The following DSCAML1 variants were observed in gnomAD, a reference collection of about 807,000 sequenced individuals.
DSCAML1 encodes the protein cell adhesion molecule DSCAML1.
In DSCAML1, 38 loss-of-function variants were observed where a neutral mutation model predicts 200.5. The ratio of observed to expected loss-of-function variants is 0.19; its 90% CI spans 0.15 to 0.25. The LOEUF is 0.25. Ranked by LOEUF, DSCAML1 falls within the 10% of genes least tolerant of loss-of-function variation. The probability of loss-of-function intolerance (pLI) is 1.00; values close to 1 mark genes in which losing one functional copy is unlikely to be tolerated. For synonymous variants in DSCAML1, 1,215 were observed against 1,165.0 expected, an observed-to-expected ratio of 1.04 and a Z score of -0.87; for missense variants, 2,223 against 2,858.8, an observed-to-expected ratio of 0.78 and a Z score of 5.07.
At chr11:117,658,697 C>G (rs2052781823) in intron 3 of DSCAML1, among the ~76,000 whole-genome samples, 2 of 152,166 alleles carry the variant, frequency 1.3e-5, no homozygotes, top group Admixed American at 1.3e-4. Context: ...TAGGAAGAGG[C>G]AATTAACAGC....
intron 3 of DSCAML1, among the ~76,000 whole-genome samples, chr11:117,703,255 TTGAGATTA>T (rs778352196): frequency 1.3e-5 from 2 of 152,206 alleles, no homozygotes; most frequent in Non-Finnish European, 2.9e-5. Context: ...CTATTTCATC[TTGAGATTA>T]TCTGGGCTGC....
Position 117,542,193 on chromosome 11 carries a change from C to T in DSCAML1, c.512-9671G>A, listed in dbSNP as rs138901594. On this transcript the variant is annotated intron_variant, in intron 3 of 32. Coordinates refer to ENST00000651296, the MANE Select transcript of DSCAML1 (RefSeq NM_020693.4). ...GTATGGTGTCAGGCTCCTGTAATTT[C>T]AGCTACTCAGAAGGCTGAGACAGGA... Among the ~76,000 whole-genome samples the T allele has an allele frequency of 6.8e-3, 1,036 of 152,210 alleles. 17 individuals carry two copies. Among genetic ancestry groups the T allele is most frequent in the African/African-American group, 0.023 (955 of 41,512 alleles).
At chr11:117,677,560 G>A (rs2053237269) in intron 3 of DSCAML1, among the ~76,000 whole-genome samples, 1 of 152,064 alleles carries the variant, frequency 6.6e-6, no homozygotes, top group African/African-American at 2.4e-5. Flanking sequence ...GCAGGGGCTG[G>A]TGAGGACCCT....
intron 3 of DSCAML1, among the ~76,000 whole-genome samples, chr11:117,737,755 G>A (rs7930674): frequency 0.016 from 2,408 of 152,290 alleles, 65 homozygotes; most frequent in African/African-American, 0.056. Flanking sequence ...AGATACATTC[G>A]CGGAGGGGTT....
chr11:117,666,374 G>C (rs1714376944), intron 3 of DSCAML1, among the ~76,000 whole-genome samples: 1 of 152,194 alleles, frequency 6.6e-6, no homozygotes, highest in Non-Finnish European at 1.5e-5. Context: ...ATCAATGTTA[G>C]TGCCCCTGCC....
rs755146000 is a variant in DSCAML1 at position 117,439,279 on chromosome 11, G to A, written c.4131C>T (p.Asn1377=). Reference sequence around the variant, plus strand: ...ACAGAGCCTCACCTTGCACCAGAAGGTTGACGATGATGGTGTCAAAGCCAC... The same window carrying A: ...ACAGAGCCTCACCTTGCACCAGAAGATTGACGATGATGGTGTCAAAGCCAC... ...NTGGFDTIIV[N]LLVQVPPDQP... is the part of the protein sequence containing the mutation. Residue 1377 remains asparagine, a synonymous_variant, in exon 23 of 33, where the codon AAC becomes AAT. Coordinates refer to ENST00000651296, the MANE Select transcript of DSCAML1 (RefSeq NM_020693.4). 3.7e-6 allele frequency: 6 copies of A among 1,614,048 alleles called. No homozygotes were observed. Among genetic ancestry groups the A allele is most frequent in the Admixed American group, 1.7e-5 (1 of 60,014 alleles).
At chr11:117,723,409 T>C (rs1310340295) in intron 3 of DSCAML1, among the ~76,000 whole-genome samples, 1 of 152,216 alleles carries the variant, frequency 6.6e-6, no homozygotes, top group African/African-American at 2.4e-5. Flanking sequence ...GTTACAAATA[T>C]CCAGCTTGTG....
intron 1 of DSCAML1, among the ~76,000 whole-genome samples, chr11:117,794,043 C>CT (rs1233528656): frequency 9.1e-6 from 1 of 109,428 alleles, no homozygotes; most frequent in Non-Finnish European, 1.9e-5. Context: ...CCCCCCCCCC[C>CT]TTTTTTTAAT....
chr11:117,659,328 A>G (rs71480351), intron 3 of DSCAML1, among the ~76,000 whole-genome samples: 1 of 152,262 alleles, frequency 6.6e-6, no homozygotes, highest in Non-Finnish European at 1.5e-5. Context: ...TATAGCTAAT[A>G]TAAATCTAAC....
intron 3 of DSCAML1, among the ~76,000 whole-genome samples, chr11:117,700,864 T>C (rs1361182763): frequency 6.6e-6 from 1 of 152,226 alleles, no homozygotes; most frequent in Non-Finnish European, 1.5e-5. Flanking sequence ...AGGACCACTA[T>C]CAGAGATGGA....
chr11:117,471,329 G>A (rs1304088000), intron 15 of DSCAML1, among the ~76,000 whole-genome samples: 2 of 152,068 alleles, frequency 1.3e-5, no homozygotes, highest in Non-Finnish European at 2.9e-5. Flanking sequence ...GCGCCACCAC[G>A]CCCAGCTAAT....
chr11:117,755,084 G>GC (rs1480175296), intron 3 of DSCAML1, among the ~76,000 whole-genome samples: 1 of 152,044 alleles, frequency 6.6e-6, no homozygotes, highest in African/African-American at 2.4e-5. Flanking sequence ...TGCCCCCAAG[G>GC]CCCCCAGCTC....
chr11:117,617,579 C>G (rs562217256), intron 3 of DSCAML1, among the ~76,000 whole-genome samples: 34 of 152,176 alleles, frequency 2.2e-4, no homozygotes, highest in Non-Finnish European at 5.0e-4. Context: ...GCCAAAGACA[C>G]TTTGATTCCA....
intron 3 of DSCAML1, among the ~76,000 whole-genome samples, chr11:117,707,815 G>A (rs182096204): frequency 2.0e-3 from 302 of 152,266 alleles, no homozygotes; most frequent in Non-Finnish European, 3.6e-3. Flanking sequence ...TTACAGGCGC[G>A]AGCCACCGTG....
chr11:117,648,458 G>C (rs1428485174), intron 3 of DSCAML1, among the ~76,000 whole-genome samples: 7 of 152,250 alleles, frequency 4.6e-5, no homozygotes, highest in African/African-American at 1.7e-4. Context: ...AATTCCTTGT[G>C]TGTCAGAAGA....
chr11:117,507,600 C>T (rs980932423), intron 8 of DSCAML1, among the ~76,000 whole-genome samples: 1 of 152,182 alleles, frequency 6.6e-6, no homozygotes, highest in Non-Finnish European at 1.5e-5. Flanking sequence ...GTGACCCTTC[C>T]AATGTCATCT....
rs574232083 is a variant in DSCAML1, at chr11:117,518,569, G to A, written c.1407C>T (p.His469=). The change falls in exon 7 of 33, where the codon CAC becomes CAT. Residue 469 remains histidine (H), a synonymous_variant. Transcript: ENST00000651296. This position sits in a 1 kb window ranked among gnomAD's most constrained non-coding sequence, Gnocchi z 6.3. ...YTMSDGTTIS[H]MNVTGPQIRD... ...GGATCTGGGGGCCTGTGACGTTCAT[G>A]TGGCTGATGGTGGTGCCGTCCGACA... The A allele has an allele frequency of 6.2e-7, 1 of 1,614,172 alleles. No homozygotes were observed. The highest frequency in any genetic ancestry group is 1.7e-5 in the Admixed American group (1 of 60,026).
intron 5 of DSCAML1, among the ~76,000 whole-genome samples, chr11:117,523,832 A>G (rs2049923782): frequency 6.6e-6 from 1 of 152,210 alleles, no homozygotes; most frequent in Non-Finnish European, 1.5e-5. Context: ...GCCCACGTTG[A>G]ATAACCCTCA....
intron 3 of DSCAML1, among the ~76,000 whole-genome samples, chr11:117,685,671 A>G (rs1235154143): frequency 1.3e-5 from 2 of 152,206 alleles, no homozygotes; most frequent in Non-Finnish European, 2.9e-5. Context: ...GAGGAGACGG[A>G]AAGCACGCGT....
Sources: allele counts gnomAD v4.1 joint callset (sites outside exome capture counted in the v4.1 genomes callset), GRCh38; gene constraint gnomAD v4.1.1; non-coding constraint Gnocchi (gnomAD v3.1); transcripts MANE v1.5; gene names NCBI Gene and HGNC (gene_info 2026-07-23, HGNC 2026-07-21).